The following PTPRD variants were observed in gnomAD, a reference collection of about 807,000 sequenced individuals.
The protein encoded by PTPRD is receptor-type tyrosine-protein phosphatase delta.
In PTPRD, 34 loss-of-function variants were observed where a neutral mutation model predicts 214.5. The ratio of observed to expected loss-of-function variants is 0.16; its 90% CI spans 0.12 to 0.21. The LOEUF is 0.21. Among genes scored for constraint, PTPRD ranks in the 10% least tolerant of loss-of-function variants. PTPRD has a pLI of 1.00. For synonymous variants in PTPRD, 1,128 were observed against 845.7 expected (o/e 1.33, Z -5.79); for missense variants, 2,545 against 2,398.7 (o/e 1.06, Z -1.27).
chr9:10,437,439 C>G (rs749165048), intron 2 of PTPRD, among the ~76,000 whole-genome samples: 1 of 151,728 alleles, frequency 6.6e-6, no homozygotes, highest in Admixed American at 6.6e-5. Flanking sequence ...ATTTGACTTT[C>G]AGATCATGTA....
chr9:9,410,615 G>C (rs1040688734), intron 8 of PTPRD, among the ~76,000 whole-genome samples: 1 of 152,186 alleles, frequency 6.6e-6, no homozygotes, highest in African/African-American at 2.4e-5. Flanking sequence ...GCTTTTGCTG[G>C]TGGAGGGAAA....
At chr9:10,309,585 A>T (rs1385477827) in intron 3 of PTPRD, among the ~76,000 whole-genome samples, 3 of 150,180 alleles carry the variant, frequency 2.0e-5, no homozygotes, top group African/African-American at 7.4e-5. Flanking sequence ...GGCTGGTTTC[A>T]AACTCCTGAC....
intron 3 of PTPRD, among the ~76,000 whole-genome samples, chr9:10,194,568 T>C (rs1361146547): frequency 6.6e-6 from 1 of 152,042 alleles, no homozygotes; most frequent in African/African-American, 2.4e-5. Context: ...TTCAGTCTGT[T>C]AACACATGAA....
At chr9:8,458,691 G>A (rs2096285548) in intron 33 of PTPRD, among the ~76,000 whole-genome samples, 1 of 152,082 alleles carries the variant, frequency 6.6e-6, no homozygotes, top group South Asian at 2.1e-4. Flanking sequence ...GGGCAGGTGT[G>A]TACCTCATGC....
Position 8,740,247 on chromosome 9 carries a change from A to T in PTPRD, c.-103-6301T>A, listed in dbSNP as rs74808726. Among the ~76,000 whole-genome samples the T allele has an allele frequency of 1.4e-4, 22 of 152,304 alleles. 1 individual carries two copies. The highest frequency in any genetic ancestry group is 5.1e-4 in the African/African-American group (21 of 41,574). On this transcript the variant is annotated intron_variant, in intron 11 of 45. Transcript: ENST00000381196. ...AAAATATCCAAGTAGAAATAGTGTTAACGAATGTTCCTTTAATATTAAAGG... is the reference window on the plus strand; with the variant it reads ...AAAATATCCAAGTAGAAATAGTGTTTACGAATGTTCCTTTAATATTAAAGG...
chr9:10,214,000 C>A (rs1338411970), intron 3 of PTPRD, among the ~76,000 whole-genome samples: 2 of 152,058 alleles, frequency 1.3e-5, no homozygotes, highest in African/African-American at 2.4e-5. Context: ...TTTAACCCCA[C>A]AATTATCTAT....
intron 5 of PTPRD, among the ~76,000 whole-genome samples, chr9:9,889,370 A>T (rs1027037725): frequency 2.6e-5 from 4 of 151,820 alleles, no homozygotes; most frequent in African/African-American, 9.7e-5. Context: ...CATGGCATAC[A>T]TAATATATAC....
intron 5 of PTPRD, among the ~76,000 whole-genome samples, chr9:9,863,695 G>T (rs569101053): frequency 1.3e-5 from 2 of 152,232 alleles, no homozygotes; most frequent in East Asian, 3.9e-4. Flanking sequence ...AAATATTTGT[G>T]AGAGGGCTAT....
At chr9:9,414,635 A>T (rs1008306216) in intron 8 of PTPRD, 6 of 152,182 alleles carry the variant, frequency 3.9e-5, no homozygotes, top group African/African-American at 1.4e-4. Flanking sequence ...GTGTTGCAAG[A>T]TTAGAACCAT....
intron 3 of PTPRD, among the ~76,000 whole-genome samples, chr9:10,242,149 T>C (rs1400943131): frequency 1.3e-5 from 2 of 151,978 alleles, no homozygotes; most frequent in Non-Finnish European, 2.9e-5. Flanking sequence ...CATAAATATT[T>C]TCTGTACCAT....
At chr9:9,473,131 C>A (rs1192345232) in intron 8 of PTPRD, among the ~76,000 whole-genome samples, 2 of 152,168 alleles carry the variant, frequency 1.3e-5, no homozygotes, top group Non-Finnish European at 2.9e-5. Flanking sequence ...TCTCCCTACA[C>A]TTCCCACCTT....
At chr9:8,488,887 A>G (rs373076261) in intron 27 of PTPRD, among the ~76,000 whole-genome samples, 2 of 152,310 alleles carry the variant, frequency 1.3e-5, no homozygotes, top group African/African-American at 4.8e-5. Flanking sequence ...GTGGAAACAC[A>G]ACTATTAATT....
intron 4 of PTPRD, among the ~76,000 whole-genome samples, chr9:9,971,270 G>C (rs2095083711): frequency 6.6e-6 from 1 of 152,106 alleles, no homozygotes; most frequent in African/African-American, 2.4e-5. Context: ...AGCTGAACAG[G>C]TTGAAATAAA....
intron 30 of PTPRD, among the ~76,000 whole-genome samples, chr9:8,473,305 C>T (rs1199573483): frequency 6.6e-6 from 1 of 152,148 alleles, no homozygotes; most frequent in African/African-American, 2.4e-5. Context: ...GCAGAGGCTT[C>T]TCTGCGTATG....
chr9:8,477,562 G>A (rs1415692267), intron 30 of PTPRD, among the ~76,000 whole-genome samples: 2 of 152,104 alleles, frequency 1.3e-5, no homozygotes, highest in East Asian at 3.9e-4. Flanking sequence ...TATTTAACTG[G>A]GAGGTGAAAA....
intron 9 of PTPRD, among the ~76,000 whole-genome samples, chr9:9,258,456 G>A: frequency 6.6e-6 from 1 of 151,780 alleles, no homozygotes; most frequent in East Asian, 2.0e-4. Flanking sequence ...AACAGCCATT[G>A]AGGATGCGAG....
intron 6 of PTPRD, among the ~76,000 whole-genome samples, chr9:9,745,114 A>G (rs539961293): frequency 6.6e-6 from 1 of 152,232 alleles, no homozygotes; most frequent in Admixed American, 6.5e-5. Context: ...ATTAAAAATT[A>G]TAATTATAAA....
chr9:9,011,749 T>C (rs1359157138), intron 11 of PTPRD, among the ~76,000 whole-genome samples: 1 of 152,174 alleles, frequency 6.6e-6, no homozygotes, highest in Non-Finnish European at 1.5e-5. Context: ...ATGTTCTTTC[T>C]CTGATGTGAT....
chr9:9,297,665 T>C (rs1199452626), intron 9 of PTPRD, among the ~76,000 whole-genome samples: 1 of 151,696 alleles, frequency 6.6e-6, no homozygotes, highest in Non-Finnish European at 1.5e-5. Flanking sequence ...GAATTCTTCG[T>C]TATCATAAAA....
Sources: allele counts gnomAD v4.1 joint callset (sites outside exome capture counted in the v4.1 genomes callset), GRCh38; gene constraint gnomAD v4.1.1; transcripts MANE v1.5; gene names NCBI Gene and HGNC (gene_info 2026-07-23, HGNC 2026-07-21).